CEP112: variants seen among roughly 807,000 people sequenced by gnomAD.
CEP112 encodes centrosomal protein of 112 kDa.
Under a neutral mutation model 153.0 loss-of-function variants are expected in CEP112, and 127 were observed. The ratio of observed to expected loss-of-function variants is 0.83; its 90% CI spans 0.72 to 0.96. The LOEUF is 0.96. Ranked by LOEUF, CEP112 falls within the 40% of genes least tolerant of loss-of-function variation. The probability of loss-of-function intolerance (pLI) is 0.00; values close to 1 mark genes in which losing one functional copy is unlikely to be tolerated. For synonymous variants in CEP112, 358 were observed against 374.4 expected (o/e 0.96, Z 0.51); for missense variants, 1,089 against 1,101.2 (o/e 0.99, Z 0.16).
chr17:65,979,596 T>C (rs962268718), intron 17 of CEP112, among the ~76,000 whole-genome samples: 5 of 152,120 alleles, frequency 3.3e-5, no homozygotes, highest in Non-Finnish European at 7.4e-5. Context: ...CAAATTATTA[T>C]ATCAATACAA....
intron 12 of CEP112, among the ~76,000 whole-genome samples, chr17:66,050,793 T>C (rs1264023805): frequency 1.3e-5 from 2 of 152,162 alleles, no homozygotes; most frequent in Non-Finnish European, 2.9e-5. Context: ...CCTTCACTGC[T>C]GATTTAGGGT....
Position 66,183,219 on chromosome 17 carries a change from A to C in CEP112, c.81T>G (p.Phe27Leu). The C allele has an allele frequency of 6.2e-7, 1 of 1,607,998 alleles. No homozygotes were observed. Among genetic ancestry groups the C allele is most frequent in the Non-Finnish European group, 8.5e-7 (1 of 1,177,334 alleles). Residue 27 changes from phenylalanine to leucine, a missense_variant, in exon 2 of 27, where the codon TTT becomes TTG. Physicochemically the swap from Phe to Leu is conservative, Grantham distance 22. Coordinates refer to ENST00000535342, the MANE Select transcript of CEP112 (RefSeq NM_001199165.4). Reference sequence around the variant, plus strand: ...CTGTCCTATGAGGTAATTTTAGAACAAAGGGCTTCATATCAACCACAAAGT... The same window carrying C: ...CTGTCCTATGAGGTAATTTTAGAACCAAGGGCTTCATATCAACCACAAAGT... The part of the protein sequence containing the change: ...FDHFVVDMKP[F>L]VLKLPHRTER...
chr17:66,122,367 T>C (rs1003734191), intron 6 of CEP112, among the ~76,000 whole-genome samples: 9 of 152,140 alleles, frequency 5.9e-5, no homozygotes, highest in Non-Finnish European at 1.0e-4. Flanking sequence ...TGTCTTATAA[T>C]TTTTTTTCTT....
intron 21 of CEP112, among the ~76,000 whole-genome samples, chr17:65,766,415 T>C (rs1450274683): frequency 6.7e-6 from 1 of 149,124 alleles, no homozygotes; most frequent in Non-Finnish European, 1.5e-5. Flanking sequence ...GAAAAAAGAA[T>C]AAACACCTAA....
chr17:65,681,675 A>T (rs1444060052), intron 24 of CEP112, among the ~76,000 whole-genome samples: 5 of 133,484 alleles, frequency 3.7e-5, no homozygotes, highest in South Asian at 2.4e-4. Context: ...CCTTTTTTTA[A>T]TTTTTTTTTT....
At chr17:66,145,120 A>G (rs1314480645) in intron 4 of CEP112, among the ~76,000 whole-genome samples, 2 of 152,164 alleles carry the variant, frequency 1.3e-5, no homozygotes, top group African/African-American at 4.8e-5. Flanking sequence ...ACTGTGCTTT[A>G]TAATTTGCAT....
At chr17:65,939,397 T>C (rs2061442439) in intron 18 of CEP112, among the ~76,000 whole-genome samples, 1 of 152,068 alleles carries the variant, frequency 6.6e-6, no homozygotes, top group South Asian at 2.1e-4. Context: ...CGAAAATTGG[T>C]ATGGAATCAT....
chr17:65,997,798 C>A (rs5012969), intron 17 of CEP112, among the ~76,000 whole-genome samples: 11 of 149,344 alleles, frequency 7.4e-5, no homozygotes, highest in African/African-American at 2.5e-4. Flanking sequence ...CATCCCCCCC[C>A]CCACACACAC....
At chr17:65,729,366 AAATAT>A (rs1263692446) in intron 23 of CEP112, among the ~76,000 whole-genome samples, 1 of 152,122 alleles carries the variant, frequency 6.6e-6, no homozygotes, top group Non-Finnish European at 1.5e-5. Flanking sequence ...CTGCATACAT[AAATAT>A]GTGCATATAC....
chr17:66,053,805 T>C lies in CEP112; in HGVS notation c.1149A>G (p.Glu383=). The C allele has an allele frequency of 6.2e-7, 1 of 1,613,266 alleles. No individual in the cohort carries two copies. Among genetic ancestry groups the C allele is most frequent in the Non-Finnish European group, 8.5e-7 (1 of 1,179,498 alleles). ...LQKQHTENIQ[E]LLEDTNVRLN... is the part of the protein sequence containing the mutation. ...GACGCACATTTGTATCCTCAAGCAATTCTTGAATGTTTTCAGTGTGTTGCT... is the reference window on the plus strand; with the variant it reads ...GACGCACATTTGTATCCTCAAGCAACTCTTGAATGTTTTCAGTGTGTTGCT... The change falls in exon 12 of 27, where the codon GAA becomes GAG. Residue 383 remains glutamate (E), a synonymous_variant. Transcript: ENST00000535342.
intron 22 of CEP112, among the ~76,000 whole-genome samples, chr17:65,747,378 G>A (rs752873060): frequency 2.0e-5 from 3 of 152,180 alleles, no homozygotes; most frequent in Non-Finnish European, 4.4e-5. Flanking sequence ...GTGTGGGACA[G>A]TGGTAGGAGA....
intron 2 of CEP112, among the ~76,000 whole-genome samples, chr17:66,180,438 T>C (rs2146900848): frequency 6.6e-6 from 1 of 152,294 alleles, no homozygotes; most frequent in South Asian, 2.1e-4. Flanking sequence ...TTTAATTATG[T>C]AAACCTTGAA....
At chr17:65,940,732 C>T (rs751662893) in intron 18 of CEP112, among the ~76,000 whole-genome samples, 1 of 151,798 alleles carries the variant, frequency 6.6e-6, no homozygotes, top group Non-Finnish European at 1.5e-5. Context: ...AAAGGCTGGG[C>T]GAGAGTAGGA....
chr17:65,995,886 T>A (rs1157365078), intron 17 of CEP112, among the ~76,000 whole-genome samples: 2 of 152,132 alleles, frequency 1.3e-5, no homozygotes, highest in Admixed American at 1.3e-4. Context: ...AAAACTCCTT[T>A]CACTTGGCTC....
At chr17:65,802,323 C>T (rs1029816459) in intron 21 of CEP112, among the ~76,000 whole-genome samples, 4 of 152,138 alleles carry the variant, frequency 2.6e-5, no homozygotes, top group African/African-American at 9.7e-5. Context: ...TTCCCCTTTT[C>T]TCTTATTCCA....
At chr17:66,053,707 A>C in intron 12 of CEP112, 29 bp downstream of exon 12, 2 of 1,594,728 alleles carry the variant, frequency 1.3e-6, no homozygotes, top group Non-Finnish European at 1.7e-6. Context: ...ACAGGTTCTA[A>C]GATGTCAAGA....
chr17:65,848,446 A>AAT (rs2057804702), intron 21 of CEP112, among the ~76,000 whole-genome samples: 3 of 152,026 alleles, frequency 2.0e-5, no homozygotes, highest in Non-Finnish European at 4.4e-5. Context: ...CATTCTTCTC[A>AAT]TGTTCCTTCT....
chr17:65,726,167 C>T (rs1000065123), intron 23 of CEP112, among the ~76,000 whole-genome samples: 11 of 151,896 alleles, frequency 7.2e-5, no homozygotes, highest in African/African-American at 2.2e-4. Flanking sequence ...GGTGAAACCC[C>T]GTCTCTACTA....
chr17:66,102,631 A>C (rs2068611296), intron 6 of CEP112, among the ~76,000 whole-genome samples: 2 of 150,566 alleles, frequency 1.3e-5, no homozygotes, highest in Non-Finnish European at 3.0e-5. Flanking sequence ...CCCCGTCTCT[A>C]CCAAAAATAC....
Sources: allele counts gnomAD v4.1 joint callset (sites outside exome capture counted in the v4.1 genomes callset), GRCh38; gene constraint gnomAD v4.1.1; transcripts MANE v1.5; gene names NCBI Gene and HGNC (gene_info 2026-07-23, HGNC 2026-07-21).